The following RNF150 variants were observed in gnomAD, a reference collection of about 807,000 sequenced individuals.
The protein encoded by RNF150 is ring finger protein 150.
A neutral mutation model predicts 39.3 loss-of-function variants in RNF150; 24 were observed. The observed-to-expected ratio is 0.61, with a 90% CI of 0.44 to 0.86. The LOEUF (loss-of-function observed/expected upper bound fraction) is 0.86, where lower values mean the gene tolerates loss of function less well. RNF150 is among the 40% of genes least tolerant of loss of function. The pLI, the probability that RNF150 is intolerant of heterozygous loss-of-function variation, is 0.00. For synonymous variants in RNF150, 255 were observed against 227.3 expected, an observed-to-expected ratio of 1.12 and a Z score of -1.10; for missense variants, 502 against 587.8, an observed-to-expected ratio of 0.85 and a Z score of 1.51.
At chr4:140,920,944 AC>A (rs1289608316) in intron 5 of RNF150, among the ~76,000 whole-genome samples, 1 of 151,876 alleles carries the variant, frequency 6.6e-6, no homozygotes, top group Non-Finnish European at 1.5e-5. Context: ...AGAACAAAAA[AC>A]CAAACACTGC....
At chr4:141,058,490 A>G (rs1737081878) in intron 1 of RNF150, among the ~76,000 whole-genome samples, 1 of 152,124 alleles carries the variant, frequency 6.6e-6, no homozygotes. Flanking sequence ...CCAATACATA[A>G]TCACTGAAAT....
chr4:140,898,352 G>C (rs1407789087), intron 6 of RNF150, among the ~76,000 whole-genome samples: 1 of 151,032 alleles, frequency 6.6e-6, no homozygotes, highest in East Asian at 1.9e-4. Flanking sequence ...GGAGTAATCA[G>C]GAGACCCATG....
chr4:140,963,222 A>C (rs902892295), intron 2 of RNF150, among the ~76,000 whole-genome samples: 1 of 152,054 alleles, frequency 6.6e-6, no homozygotes, highest in African/African-American at 2.4e-5. Flanking sequence ...TAAGCAGAGA[A>C]TTTGCGATAA....
intron 1 of RNF150, among the ~76,000 whole-genome samples, chr4:141,000,057 A>AAGG (rs1734591035): frequency 1.0e-5 from 1 of 95,640 alleles, no homozygotes; most frequent in Non-Finnish European, 2.3e-5. Context: ...GAAGAAGAAG[A>AAGG]AGAAGAAGAA....
intron 4 of RNF150, among the ~76,000 whole-genome samples, chr4:140,927,852 T>C (rs1731459252): frequency 6.6e-6 from 1 of 151,880 alleles, no homozygotes; most frequent in Non-Finnish European, 1.5e-5. Flanking sequence ...TTTTGCCATG[T>C]TGGCCGGGCT....
At chr4:141,043,733 AAGGTATTTGTAATC>A (rs1736457559) in intron 1 of RNF150, among the ~76,000 whole-genome samples, 1 of 152,156 alleles carries the variant, frequency 6.6e-6, no homozygotes, top group Non-Finnish European at 1.5e-5. Context: ...TTCTGAATAC[AAGGTATTTGTAATC>A]ATCTCTTCTA....
intron 2 of RNF150, among the ~76,000 whole-genome samples, chr4:140,953,274 T>C (rs1053528599): frequency 1.1e-4 from 17 of 152,212 alleles, no homozygotes; most frequent in Admixed American, 2.6e-4. Context: ...TTCTAAAAAA[T>C]GGTATAATGG....
intron 1 of RNF150, among the ~76,000 whole-genome samples, chr4:141,061,232 T>C (rs1737213090): frequency 1.3e-5 from 2 of 152,150 alleles, no homozygotes; most frequent in Non-Finnish European, 2.9e-5. Context: ...TGGATGTACA[T>C]TCGCAGAAGA....
intron 1 of RNF150, among the ~76,000 whole-genome samples, chr4:141,203,038 G>C (rs1250645876): frequency 6.9e-6 from 1 of 144,452 alleles, no homozygotes; most frequent in Non-Finnish European, 1.5e-5. Flanking sequence ...CCAATGAGTT[G>C]GGTGTCCTCT....
intron 6 of RNF150, among the ~76,000 whole-genome samples, chr4:140,881,095 G>T (rs1729355963): frequency 6.7e-6 from 1 of 150,202 alleles, no homozygotes; most frequent in Non-Finnish European, 1.5e-5. Flanking sequence ...GTTCCTTGAG[G>T]TATAAAGTTT....
intron 6 of RNF150, among the ~76,000 whole-genome samples, chr4:140,904,713 C>G (rs1730313453): frequency 6.6e-6 from 1 of 152,194 alleles, no homozygotes; most frequent in Admixed American, 6.5e-5. Context: ...GCCAACCCTC[C>G]CTTTTTCTCT....
chr4:141,178,070 GA>G (rs1180212662), intron 1 of RNF150, among the ~76,000 whole-genome samples: 8 of 152,226 alleles, frequency 5.3e-5, no homozygotes, highest in African/African-American at 1.4e-4. Context: ...AAAATCTCTA[GA>G]TTTCATTAAA....
chr4:141,014,787 TA>T (rs1438959547), intron 1 of RNF150, among the ~76,000 whole-genome samples: 1 of 101,646 alleles, frequency 9.8e-6, no homozygotes, highest in Admixed American at 1.1e-4. Flanking sequence ...GTTGTTCCTT[TA>T]CTTTGTTGTT....
At chr4:141,099,327 ATTAT>A (rs1738919278) in intron 1 of RNF150, among the ~76,000 whole-genome samples, 1 of 152,164 alleles carries the variant, frequency 6.6e-6, no homozygotes, top group African/African-American at 2.4e-5. Context: ...CAGTAGAGAA[ATTAT>A]TTACCTCCCG....
At chr4:140,975,577 C>T (rs1297704555) in intron 1 of RNF150, among the ~76,000 whole-genome samples, 1 of 152,128 alleles carries the variant, frequency 6.6e-6, no homozygotes, top group Admixed American at 6.5e-5. Context: ...GTGGTATCTA[C>T]TCATTTGGTA....
At chr4:141,078,195 T>C (rs1466186828) in intron 1 of RNF150, among the ~76,000 whole-genome samples, 1 of 152,216 alleles carries the variant, frequency 6.6e-6, no homozygotes, top group Non-Finnish European at 1.5e-5. Flanking sequence ...AAGAGATGCC[T>C]GTACTTAACC....
At chr4:141,192,117 G>T (rs1475146121) in intron 1 of RNF150, among the ~76,000 whole-genome samples, 1 of 152,084 alleles carries the variant, frequency 6.6e-6, no homozygotes, top group South Asian at 2.1e-4. Context: ...TTGTTTCTTG[G>T]TTTGCTAAAG....
rs572471811 is a variant in RNF150, at chr4:141,038,618, G to A, written c.485-70745C>T. 1.2e-3 allele frequency among the ~76,000 whole-genome samples: 178 copies of A among 152,180 alleles called. 1 individual carries two copies. The highest frequency in any genetic ancestry group is 4.0e-3 in the African/African-American group (166 of 41,522). ...AGGTGGGAGGATTGGTTGAGTATGG[G>A]AGGTCAAGGCTGCAGTGAGCCATGA... is the stretch of plus-strand genomic sequence containing the variant. On this transcript the variant is annotated intron_variant, in intron 1 of 6. Transcript: ENST00000515673.
intron 5 of RNF150, among the ~76,000 whole-genome samples, chr4:140,923,555 C>T (rs1480314542): frequency 6.6e-6 from 1 of 152,132 alleles, no homozygotes; most frequent in South Asian, 2.1e-4. Context: ...TTGTGGAAGT[C>T]GGTGTGGCGA....
Sources: gnomAD v4.1 joint callset for allele counts (sites outside exome capture counted in the v4.1 genomes callset) on GRCh38, gnomAD v4.1.1 for gene constraint, MANE v1.5 for transcripts, NCBI Gene and HGNC (gene_info 2026-07-23, HGNC 2026-07-21) for gene names.